Variants in KCNS1 observed in about 807,000 individuals in gnomAD.
KCNS1 encodes delayed-rectifier potassium channel regulatory subunit KCNS1.
A neutral mutation model predicts 33.1 loss-of-function variants in KCNS1; 26 were observed. That is an observed-to-expected ratio of 0.79 (90% CI 0.58 to 1.09). KCNS1 has a LOEUF of 1.09. Ranked by LOEUF, KCNS1 falls within the 50% of genes least tolerant of loss-of-function variation. The probability of loss-of-function intolerance (pLI) is 0.00; values close to 1 mark genes in which losing one functional copy is unlikely to be tolerated. For synonymous variants in KCNS1, 299 were observed against 338.8 expected, an observed-to-expected ratio of 0.88 and a Z score of 1.29; for missense variants, 702 against 752.4, an observed-to-expected ratio of 0.93 and a Z score of 0.78.
intron 1 of KCNS1, among the ~76,000 whole-genome samples, chr20:45,099,801 C>T (rs751298842): frequency 9.2e-5 from 14 of 152,244 alleles, no homozygotes; most frequent in Non-Finnish European, 1.5e-4. Flanking sequence ...GGTTCTTCCA[C>T]TACCCACTGA....
At chr20:45,095,851 C>G (rs1981167262) in intron 3 of KCNS1, among the ~76,000 whole-genome samples, 1 of 152,204 alleles carries the variant, frequency 6.6e-6, no homozygotes, top group African/African-American at 2.4e-5. Context: ...AGGCCAAGCT[C>G]TAGGGCAGTG....
rs1568789400 is a variant in KCNS1 at position 45,094,862 on chromosome 20, C to T, written c.*8G>A. On this transcript the variant is annotated 3_prime_UTR_variant, in exon 4 of 4. Transcript: ENST00000537075. ...AGGGGCATGGCAGGGGGTCACGGATCCCTGGTTTTAATACATCTGAGGGTG... is the reference window on the plus strand; with the variant it reads ...AGGGGCATGGCAGGGGGTCACGGATTCCTGGTTTTAATACATCTGAGGGTG... 1.3e-6 allele frequency: 2 copies of T among 1,597,244 alleles called. No homozygotes were observed.
rs1394504017 is a variant in KCNS1 at position 45,094,850 on chromosome 20, G to A, written c.*20C>T. 2 of 1,578,834 alleles carry A rather than the reference G, an allele frequency of 1.3e-6. No individual in the cohort carries two copies. The highest frequency in any genetic ancestry group is 1.7e-5 in the Admixed American group (1 of 57,730). ...AATCTCTACTGTAGGGGCATGGCAGGGGGTCACGGATCCCTGGTTTTAATA... is the reference window on the plus strand; with the variant it reads ...AATCTCTACTGTAGGGGCATGGCAGAGGGTCACGGATCCCTGGTTTTAATA... On this transcript the variant is annotated 3_prime_UTR_variant, in exon 4 of 4. Transcript: ENST00000537075.
In KCNS1 at chr20:45,098,627, C is replaced by A. The variant is rs898100347; in HGVS notation, c.145G>T (p.Asp49Tyr). The A allele has an allele frequency of 2.0e-6, 3 of 1,475,160 alleles. No homozygotes were observed. Among genetic ancestry groups the A allele is most frequent in the African/African-American group, 1.5e-5 (1 of 68,588 alleles). 91.4% of individuals were successfully genotyped at this position (1,475,160 alleles called of 1,614,324 possible). The change falls in exon 3 of 4, where the codon GAC becomes TAC. Residue 49 changes from aspartate to tyrosine, a missense_variant. Asp to Tyr is a radical substitution (Grantham distance 160, BLOSUM62 -3). This residue lies in a region of KCNS1 where 374 missense variants were observed against 352.3 expected (regional missense o/e 1.06). Coordinates refer to ENST00000537075, the MANE Select transcript of KCNS1 (RefSeq NM_001322799.2). This position sits in a 1 kb window ranked among gnomAD's most constrained non-coding sequence, Gnocchi z 5.2. The part of the protein sequence containing the change: ...PDTGIRWRRS[D>Y]EALRVNVGGV... ...CCCACGTTCACGCGCAGCGCCTCGT[C>A]GCTTCGCCGCCAGCGGATCCCGGTG...
rs146346276 is a variant in KCNS1 at position 45,095,331 on chromosome 20, G to T, written c.1120C>A (p.Arg374Ser). Residue 374 changes from arginine to serine, a missense_variant, in exon 4 of 4, where the codon CGT (arginine) becomes AGT (serine). Arg to Ser is a moderately radical substitution (Grantham distance 110). Transcript: ENST00000537075. ...SLGATLKHSY[R>S]EVGILLLYLA... ...TACAGCAGCAAGATGCCCACCTCAC[G>T]GTAGCTGTGCTGAAAGAGAATGTAG... 1.2e-6 allele frequency: 2 copies of T among 1,611,840 alleles called. No homozygotes were observed. The highest frequency in any genetic ancestry group is 2.7e-5 in the African/African-American group (2 of 74,870).
rs1416827957 is a variant in KCNS1 at position 45,099,214 on chromosome 20, C to A, written c.23G>T (p.Gly8Val). The A allele has an allele frequency of 1.2e-5, 19 of 1,540,600 alleles. 1 individual carries two copies. The South Asian group carries it at 2.3e-4, about 18-fold the overall frequency. Residue 8 changes from glycine (G) to valine (V), a missense_variant, in exon 2 of 4, where the codon GGA (glycine) becomes GTA (valine). Transcript: ENST00000537075. MLMLLVR[G>V]THYENLRSKV... is the part of the protein sequence containing the mutation. ...AGACCGGAGGTTCTCATAGTGTGTT[C>A]CCCGGACCAGCAGCATCAGCATCAC... is the stretch of plus-strand genomic sequence containing the variant.
At position 45,091,717 on chromosome 20, in the gene KCNS1, G is replaced by C. The variant is rs79299426; in HGVS notation, c.*3153C>G. Reference sequence around the variant, plus strand: ...CCTAAATGTCATCAAAAGTGTCCTTGTAAGACAGAGGCACTGGAAGACTTG... The same window carrying C: ...CCTAAATGTCATCAAAAGTGTCCTTCTAAGACAGAGGCACTGGAAGACTTG... On this transcript the variant is annotated 3_prime_UTR_variant, in exon 4 of 4. Coordinates refer to ENST00000537075, the MANE Select transcript of KCNS1 (RefSeq NM_001322799.2). Among the ~76,000 whole-genome samples, 1,424 of 152,322 alleles carry C rather than the reference G, an allele frequency of 9.3e-3. 29 individuals are homozygous for C. Among genetic ancestry groups the C allele is most frequent in the African/African-American group, 0.032 (1,349 of 41,548 alleles).
rs1334579809 is a variant in KCNS1 at position 45,099,242 on chromosome 20, G to A, written c.-3-3C>T. The A allele has an allele frequency of 6.9e-7, 1 of 1,439,892 alleles. No homozygotes were observed. Among genetic ancestry groups the A allele is most frequent in the Admixed American group, 2.0e-5 (1 of 50,888 alleles). 89.2% of individuals were successfully genotyped at this position (1,439,892 alleles called of 1,614,324 possible). On this transcript the variant is annotated splice_region_variant and splice_polypyrimidine_tract_variant and intron_variant, in intron 1 of 3. Transcript: ENST00000537075. Reference sequence around the variant, plus strand: ...CGGACCAGCAGCATCAGCATCACCTGGGAATTTGTCAAAGATGCAAATTCT... The same window carrying A: ...CGGACCAGCAGCATCAGCATCACCTAGGAATTTGTCAAAGATGCAAATTCT...
In KCNS1 at chr20:45,098,162, G is replaced by A; in HGVS notation, c.610C>T (p.Arg204Cys). ...TTCTCCATGGTCAGCCAGAGGCGGC[G>A]GCGCAGGCGGCCACAGCGCGCCGCG... Reference protein sequence around the residue: ...YGAARCGRLRRRLWLTMENPG... With the variant: ...YGAARCGRLRCRLWLTMENPG... Residue 204 changes from arginine to cysteine, a missense_variant, in exon 3 of 4, where the codon CGC becomes TGC. Transcript: ENST00000537075. This position sits in a 1 kb window ranked among gnomAD's most constrained non-coding sequence, Gnocchi z 5.2. 6.2e-7 allele frequency: 1 copy of A among 1,600,536 alleles called. No individual in the cohort carries two copies. The highest frequency in any genetic ancestry group is 8.5e-7 in the Non-Finnish European group (1 of 1,174,940).
Position 45,098,410 on chromosome 20 carries a change from C to T in KCNS1, c.362G>A (p.Gly121Asp), listed in dbSNP as rs777743004. Residue 121 changes from glycine (G) to aspartate (D), a missense_variant, in exon 3 of 4, where the codon GGC (glycine) becomes GAC (aspartate). Transcript: ENST00000537075. The surrounding 1 kb of genome is among the most constrained non-coding windows in gnomAD (Gnocchi z 5.2). Reference sequence around the variant, plus strand: ...CAGCTCGTCGAGCACGTGCAGGTGGCCAGTGCGGTAGAAGTGCAGCAGGCT... The same window carrying T: ...CAGCTCGTCGAGCACGTGCAGGTGGTCAGTGCGGTAGAAGTGCAGCAGGCT... ...FLSLLHFYRT[G>D]HLHVLDELCV... 8.1e-6 allele frequency: 13 copies of T among 1,595,764 alleles called. No individual in the cohort carries two copies. The South Asian group carries it at 1.5e-4, about 18-fold the overall frequency.
At chr20:45,099,397 C>A (rs953348490) in intron 1 of KCNS1, among the ~76,000 whole-genome samples, 158 bp from the exon 2 acceptor site, 1 of 152,202 alleles carries the variant, frequency 6.6e-6, no homozygotes, top group Non-Finnish European at 1.5e-5. Flanking sequence ...TTATGTAAAG[C>A]ATCTGTAGAG....
In KCNS1 at chr20:45,094,597, T is replaced by G; in HGVS notation, c.*273A>C. The stretch of plus-strand genomic sequence containing the variant: ...ATGTACAGGAGGTGCTCAGGAATCA[T>G]TAGTATCCTTTCAACTTCCTCCCTC... On this transcript the variant is annotated 3_prime_UTR_variant, in exon 4 of 4. Transcript: ENST00000537075. The G allele has an allele frequency of 2.4e-6, 1 of 410,348 alleles. No individual in the cohort carries two copies. The allele number at this position is 410,348 out of a possible 1,614,324, so 25.4% of individuals were successfully genotyped here. A position where few individuals can be genotyped will look rare whatever the true frequency, so the allele number is the denominator to read the frequency against.
chr20:45,100,822 G>C (rs1171173639), intron 1 of KCNS1, 99 bp downstream of exon 1: 1 of 153,850 alleles, frequency 6.5e-6, no homozygotes, highest in Non-Finnish European at 1.4e-5. Flanking sequence ...GTCTCTTAGA[G>C]GGGGTAAGAG....
rs1843211427 is a variant in KCNS1, at chr20:45,098,632, C to T, written c.140G>A (p.Arg47Gln). 1 of 1,473,640 alleles carries T rather than the reference C, an allele frequency of 6.8e-7. No homozygotes were observed. The highest frequency in any genetic ancestry group is 9.0e-7 in the Non-Finnish European group (1 of 1,113,442). The allele number at this position is 1,473,640 out of a possible 1,614,324, so 91.3% of individuals were successfully genotyped here. A position where few individuals can be genotyped will look rare whatever the true frequency, so the allele number is the denominator to read the frequency against. ...GTTCACGCGCAGCGCCTCGTCGCTT[C>T]GCCGCCAGCGGATCCCGGTGTCGGG... Reference protein sequence around the residue: ...PGPDTGIRWRRSDEALRVNVG... With the variant: ...PGPDTGIRWRQSDEALRVNVG... Residue 47 changes from arginine (R) to glutamine (Q), a missense_variant, in exon 3 of 4, where the codon CGA becomes CAA. Physicochemically the swap from Arg to Gln is conservative, Grantham distance 43. Around this residue, in one of 3 missense-constraint regions of KCNS1, gnomAD observed 374 missense variants for 352.3 expected, o/e 1.06. Coordinates refer to ENST00000537075, the MANE Select transcript of KCNS1 (RefSeq NM_001322799.2). The surrounding 1 kb of genome is among the most constrained non-coding windows in gnomAD (Gnocchi z 5.2).
rs1463768733 is a variant in KCNS1, at chr20:45,097,748, G to T, written c.1024C>A (p.Gln342Lys). The change falls in exon 3 of 4, where the codon CAG becomes AAG. Residue 342 changes from glutamine (Q) to lysine (K), a missense_variant. Transcript: ENST00000537075. ...AAGATGCGCATGAGGCGGAACACCT[G>T]CACCACCTTGCCCAGGTGGCCGAAC... ...KEFGHLGKVVQVFRLMRIFRV... is the reference protein window; with the variant it reads ...KEFGHLGKVVKVFRLMRIFRV... The T allele has an allele frequency of 6.2e-7, 1 of 1,613,036 alleles. No homozygotes were observed. The highest frequency in any genetic ancestry group is 8.5e-7 in the Non-Finnish European group (1 of 1,179,964).
rs890687639 is a variant in KCNS1, at chr20:45,098,938, A to G, written c.76+223T>C. On this transcript the variant is annotated intron_variant, in intron 2 of 3. Transcript: ENST00000537075. This position sits in a 1 kb window ranked among gnomAD's most constrained non-coding sequence, Gnocchi z 5.2. ...CAAATCACTGACCCACCCCACCCCC[A>G]TTTCATTTTTCTCCTTTGGAAAGTA... Among the ~76,000 whole-genome samples the G allele has an allele frequency of 3.3e-5, 5 of 151,730 alleles. No individual in the cohort carries two copies. The highest frequency in any genetic ancestry group is 1.2e-4 in the African/African-American group (5 of 41,242).
In KCNS1 at chr20:45,098,311, G is replaced by C. The variant is rs1981273493; in HGVS notation, c.461C>G (p.Ala154Gly). Residue 154 changes from alanine to glycine, a missense_variant, in exon 3 of 4, where the codon GCG (alanine) becomes GGG (glycine). By Grantham distance (60) the Ala-to-Gly change is moderately conservative (BLOSUM62 0). Coordinates refer to ENST00000537075, the MANE Select transcript of KCNS1 (RefSeq NM_001322799.2). The surrounding 1 kb of genome is among the most constrained non-coding windows in gnomAD (Gnocchi z 5.2). ...GENALAACCR[A>G]RYLERRLTQP... The stretch of plus-strand genomic sequence containing the variant: ...GGTCAGCCGCCTCTCCAGGTAGCGC[G>C]CGCGGCAGCACGCGGCAAGCGCGTT... The C allele has an allele frequency of 6.3e-7, 1 of 1,575,776 alleles. No individual in the cohort carries two copies. The highest frequency in any genetic ancestry group is 1.3e-5 in the African/African-American group (1 of 74,106).
At chr20:45,097,189 A>C (rs1981210882) in intron 3 of KCNS1, among the ~76,000 whole-genome samples, 1 of 152,360 alleles carries the variant, frequency 6.6e-6, no homozygotes, top group Non-Finnish European at 1.5e-5. Context: ...ATTGGCACAG[A>C]TTTAGTGCTC....
In KCNS1 at chr20:45,094,114, G is replaced by A. The variant is rs1325489842; in HGVS notation, c.*756C>T. On this transcript the variant is annotated 3_prime_UTR_variant, in exon 4 of 4. Coordinates refer to ENST00000537075, the MANE Select transcript of KCNS1 (RefSeq NM_001322799.2). ...CTGGGAGGAAGGTCGGAAGATTATT[G>A]CTTAGCAAATCTTGCATACCAGCTA... is the stretch of plus-strand genomic sequence containing the variant. The A allele has an allele frequency of 6.6e-6, 1 of 152,186 alleles. No individual in the cohort carries two copies. Among genetic ancestry groups the A allele is most frequent in the Non-Finnish European group, 1.5e-5 (1 of 68,052 alleles). 9.4% of individuals were successfully genotyped at this position (152,186 alleles called of 1,614,324 possible). A position where few individuals can be genotyped will look rare whatever the true frequency, so the allele number is the denominator to read the frequency against.
Sources: gnomAD v4.1 joint callset for allele counts (sites outside exome capture counted in the v4.1 genomes callset) on GRCh38, gnomAD v4.1.1 for gene constraint, gnomAD v4.1.1 regional missense constraint, Gnocchi (gnomAD v3.1) non-coding constraint, MANE v1.5 for transcripts, NCBI Gene and HGNC (gene_info 2026-07-23, HGNC 2026-07-21) for gene names.